Variants in SLC1A1 observed in about 807,000 individuals in gnomAD.
SLC1A1 encodes solute carrier family 1 member 1, also known as excitatory amino acid transporter 3.
Under a neutral mutation model 53.3 loss-of-function variants are expected in SLC1A1, and 43 were observed. The observed-to-expected ratio is 0.81, with a 90% CI of 0.63 to 1.04. The LOEUF is 1.04. Ranked by LOEUF, SLC1A1 falls within the 50% of genes least tolerant of loss-of-function variation. SLC1A1 has a pLI of 0.00. For missense variants in SLC1A1, 748 were observed against 664.9 expected, an observed-to-expected ratio of 1.12 and a Z score of -1.37; for synonymous variants, 307 against 243.2, an observed-to-expected ratio of 1.26 and a Z score of -2.44.
intron 1 of SLC1A1, among the ~76,000 whole-genome samples, chr9:4,514,235 C>T (rs1821089384): frequency 6.6e-6 from 1 of 152,186 alleles, no homozygotes. Context: ...TCAGTTGGTG[C>T]ATACATGTCC....
At chr9:4,512,707 A>C (rs1821038347) in intron 1 of SLC1A1, among the ~76,000 whole-genome samples, 1 of 152,188 alleles carries the variant, frequency 6.6e-6, no homozygotes, top group Non-Finnish European at 1.5e-5. Context: ...TAATAGATGA[A>C]TGAAGCAGAA....
intron 9 of SLC1A1, 66 bp from the exon 10 acceptor site, chr9:4,576,503 G>A (rs1820558219): frequency 7.5e-7 from 1 of 1,331,918 alleles, no homozygotes; most frequent in Non-Finnish European, 1.1e-6. Flanking sequence ...AGACAGGCAT[G>A]TCTTCAGGCA....
At chr9:4,544,926 G>A (rs1817341908) in intron 2 of SLC1A1, among the ~76,000 whole-genome samples, 3 of 152,196 alleles carry the variant, frequency 2.0e-5, no homozygotes, top group African/African-American at 4.8e-5. Context: ...GCTGGGCGAA[G>A]CAGGAAGAGC....
intron 1 of SLC1A1, among the ~76,000 whole-genome samples, chr9:4,534,100 G>A (rs1044400402): frequency 1.3e-5 from 2 of 152,154 alleles, no homozygotes; most frequent in Non-Finnish European, 2.9e-5. Context: ...GCCCACAACA[G>A]AAAGCAGGAA....
chr9:4,494,963 C>G (rs536678088), intron 1 of SLC1A1, among the ~76,000 whole-genome samples: 1 of 152,200 alleles, frequency 6.6e-6, no homozygotes, highest in Non-Finnish European at 1.5e-5. Context: ...CATGACAGAG[C>G]TGGCAAGCTT....
chr9:4,508,368 G>A (rs1369118459), intron 1 of SLC1A1, among the ~76,000 whole-genome samples: 2 of 152,182 alleles, frequency 1.3e-5, no homozygotes, highest in African/African-American at 4.8e-5. Flanking sequence ...GTTGTCCCGA[G>A]ACTGATAGAT....
intron 2 of SLC1A1, among the ~76,000 whole-genome samples, chr9:4,547,402 C>T (rs1323772863): frequency 3.3e-5 from 5 of 152,194 alleles, no homozygotes; most frequent in East Asian, 3.8e-4. Flanking sequence ...ACCACCACCC[C>T]ATCTTTTGAT....
intron 6 of SLC1A1, among the ~76,000 whole-genome samples, chr9:4,571,544 G>C (rs1354371217): frequency 1.3e-5 from 2 of 152,114 alleles, no homozygotes; most frequent in African/African-American, 4.8e-5. Context: ...GGGTGTGGGG[G>C]CGGATGCCTG....
intron 1 of SLC1A1, among the ~76,000 whole-genome samples, chr9:4,518,985 G>A (rs1353652385): frequency 6.6e-6 from 1 of 152,180 alleles, no homozygotes; most frequent in Non-Finnish European, 1.5e-5. Flanking sequence ...GTGTCTAATT[G>A]TGTCATGTTT....
At chr9:4,545,619 G>A (rs1564023848) in intron 2 of SLC1A1, among the ~76,000 whole-genome samples, 1 of 152,188 alleles carries the variant, frequency 6.6e-6, no homozygotes, top group Non-Finnish European at 1.5e-5. Flanking sequence ...CTATGTGTCT[G>A]CCCTGCATAT....
chr9:4,539,777 G>A (rs2130869650), intron 1 of SLC1A1, among the ~76,000 whole-genome samples: 1 of 152,200 alleles, frequency 6.6e-6, no homozygotes, highest in African/African-American at 2.4e-5. Flanking sequence ...TCACCAGCTT[G>A]GCCAGGATGG....
At chr9:4,566,947 C>G (rs2129724959) in intron 5 of SLC1A1, among the ~76,000 whole-genome samples, 1 of 152,290 alleles carries the variant, frequency 6.6e-6, no homozygotes, top group Middle Eastern at 3.4e-3. Context: ...CTCTGTTGCT[C>G]TCTGCCGGCC....
chr9:4,573,160 G>A (rs1245975336), intron 7 of SLC1A1, among the ~76,000 whole-genome samples: 4 of 152,162 alleles, frequency 2.6e-5, no homozygotes, highest in Non-Finnish European at 4.4e-5. Flanking sequence ...CCATTTCAGT[G>A]TCTGTCCTCT....
intron 1 of SLC1A1, among the ~76,000 whole-genome samples, chr9:4,536,059 A>G (rs1816661582): frequency 6.6e-6 from 1 of 152,216 alleles, no homozygotes; most frequent in Middle Eastern, 3.2e-3. Context: ...TGGATGAAAG[A>G]CTTAAATGTT....
At chr9:4,584,820 G>A (rs1351916892) in intron 11 of SLC1A1, among the ~76,000 whole-genome samples, 1 of 152,126 alleles carries the variant, frequency 6.6e-6, no homozygotes, top group Non-Finnish European at 1.5e-5. Context: ...TAAGTAGAGT[G>A]ACCTAGATTG....
intron 2 of SLC1A1, among the ~76,000 whole-genome samples, chr9:4,545,202 T>TCTCTCTCTCTCTCC (rs2130880094): frequency 6.6e-6 from 1 of 151,520 alleles, no homozygotes; most frequent in East Asian, 1.9e-4. Context: ...TCTCTCTCTC[T>TCTCTCTCTCTCTCC]CTCTCTCTCT....
rs773610382 is a variant in SLC1A1, at chr9:4,490,764, G to C, written c.85G>C (p.Val29Leu). The C allele has an allele frequency of 2.2e-5, 35 of 1,611,794 alleles. No homozygotes were observed. Among genetic ancestry groups the C allele is most frequent in the Non-Finnish European group, 1.2e-5 (14 of 1,178,502 alleles). ...GTTGCTGTCCACCGTGGCCGCGGTGGTGCTAGGTGAGCGGCGCGGCGGGTG... is the reference window on the plus strand; with the variant it reads ...GTTGCTGTCCACCGTGGCCGCGGTGCTGCTAGGTGAGCGGCGCGGCGGGTG... ...WVLLSTVAAV[V>L]LGITTGVLVR... The change falls in exon 1 of 12, where the codon GTG becomes CTG. Residue 29 changes from valine (V) to leucine (L), a missense_variant. Coordinates refer to ENST00000262352, the MANE Select transcript of SLC1A1 (RefSeq NM_004170.6).
At position 4,563,074 on chromosome 9, in the gene SLC1A1, T is replaced by A. The variant is rs564167572; in HGVS notation, c.326-1270T>A. On this transcript the variant is annotated intron_variant, in intron 3 of 11. Transcript: ENST00000262352. ...CATGGCACATGTATACATATGTAAC[T>A]AACCTGCACAATGTGCACATATACC... 4.1e-5 allele frequency among the ~76,000 whole-genome samples: 6 copies of A among 145,778 alleles called. No homozygotes were observed. The South Asian group carries it at 1.3e-3, about 31-fold the overall frequency.
At chr9:4,574,100 C>A (rs999678466) in intron 8 of SLC1A1, 86 bp downstream of exon 8, 6 of 891,062 alleles carry the variant, frequency 6.7e-6, no homozygotes, top group Non-Finnish European at 9.4e-6. Flanking sequence ...TTGGTTAAAA[C>A]TGGCTTCTGC....
Sources: gnomAD v4.1 joint callset for allele counts (sites outside exome capture counted in the v4.1 genomes callset) on GRCh38, gnomAD v4.1.1 for gene constraint, MANE v1.5 for transcripts, NCBI Gene and HGNC (gene_info 2026-07-23, HGNC 2026-07-21) for gene names.